Variants in SYT1 observed in about 807,000 individuals in gnomAD.
The protein encoded by SYT1 is synaptotagmin-1.
A neutral mutation model predicts 44.8 loss-of-function variants in SYT1; 8 were observed. That is an observed-to-expected ratio of 0.18 (90% CI 0.10 to 0.32). The LOEUF (loss-of-function observed/expected upper bound fraction) is 0.32, where lower values mean the gene tolerates loss of function less well. Among genes scored for constraint, SYT1 ranks in the 10% least tolerant of loss-of-function variants. SYT1 has a pLI of 1.00. For missense variants in SYT1, 286 were observed against 509.3 expected (o/e 0.56, Z 4.22); for synonymous variants, 154 against 188.8 (o/e 0.82, Z 1.51).
At chr12:79,269,308 C>T (rs1878294549) in intron 4 of SYT1, among the ~76,000 whole-genome samples, 1 of 152,024 alleles carries the variant, frequency 6.6e-6, no homozygotes, top group Admixed American at 6.6e-5. Context: ...CTTCTCTAAC[C>T]AGCTACCTAT....
chr12:79,102,396 C>T (rs1878495352), intron 3 of SYT1, among the ~76,000 whole-genome samples: 1 of 152,088 alleles, frequency 6.6e-6, no homozygotes, highest in Non-Finnish European at 1.5e-5. Flanking sequence ...AAAGCTTCCC[C>T]TAGACTTCTG....
At chr12:78,877,434 G>A (rs1874233623) in intron 1 of SYT1, among the ~76,000 whole-genome samples, 1 of 151,730 alleles carries the variant, frequency 6.6e-6, no homozygotes, top group East Asian at 2.0e-4. Flanking sequence ...TGATATCTGG[G>A]TGGGGACACA....
intron 9 of SYT1, among the ~76,000 whole-genome samples, chr12:79,390,222 C>T (rs139265216): frequency 1.1e-4 from 16 of 152,188 alleles, no homozygotes; most frequent in Non-Finnish European, 1.9e-4. Flanking sequence ...CGTGAACCAC[C>T]GCGCCCGGCC....
chr12:79,042,523 T>C (rs1412701097), intron 2 of SYT1, among the ~76,000 whole-genome samples: 80 of 128,964 alleles, frequency 6.2e-4, no homozygotes, highest in East Asian at 8.7e-4. Flanking sequence ...TCTTTTTTTC[T>C]TTATTAGTCT....
chr12:79,195,875 G>A (rs1918201), intron 3 of SYT1, among the ~76,000 whole-genome samples: 5,894 of 152,086 alleles, frequency 0.039, 247 homozygotes, highest in East Asian at 0.12. Context: ...ACTACATGTC[G>A]CATTTCAACT....
intron 1 of SYT1, among the ~76,000 whole-genome samples, chr12:78,881,157 T>C (rs1371553075): frequency 6.6e-6 from 1 of 151,582 alleles, no homozygotes; most frequent in Non-Finnish European, 1.5e-5. Context: ...ATATACCCAT[T>C]ATAATTGACT....
intron 9 of SYT1, among the ~76,000 whole-genome samples, chr12:79,411,859 A>C (rs1307646368): frequency 6.6e-6 from 1 of 151,960 alleles, no homozygotes; most frequent in East Asian, 1.9e-4. Flanking sequence ...TTTTTTTAGC[A>C]ATGATATATT....
intron 9 of SYT1, among the ~76,000 whole-genome samples, chr12:79,418,752 C>A (rs980116707): frequency 2.0e-5 from 3 of 152,116 alleles, no homozygotes; most frequent in Non-Finnish European, 4.4e-5. Flanking sequence ...ACAAGAAAGG[C>A]CAGCAGTAAC....
At chr12:79,229,580 G>T (rs1019139202) in intron 4 of SYT1, among the ~76,000 whole-genome samples, 3 of 138,794 alleles carry the variant, frequency 2.2e-5, no homozygotes, top group East Asian at 4.0e-4. Flanking sequence ...AAGCAGTAGG[G>T]TTTTTTTTAT....
chr12:79,122,586 C>A (rs1426284636), intron 3 of SYT1, among the ~76,000 whole-genome samples: 1 of 147,158 alleles, frequency 6.8e-6, no homozygotes, highest in African/African-American at 2.5e-5. Flanking sequence ...TTAAAAATTT[C>A]CAATAAATTG....
intron 8 of SYT1, among the ~76,000 whole-genome samples, chr12:79,338,042 G>T (rs1490710495): frequency 6.6e-6 from 1 of 152,026 alleles, no homozygotes; most frequent in Non-Finnish European, 1.5e-5. Flanking sequence ...TTGGTAAAAG[G>T]TTTGTCTTTG....
At chr12:79,218,380 A>T (rs1429512813) in intron 4 of SYT1, among the ~76,000 whole-genome samples, 1 of 152,228 alleles carries the variant, frequency 6.6e-6, no homozygotes, top group African/African-American at 2.4e-5. Context: ...GATTATGCAT[A>T]TGTCAGTTAG....
intron 3 of SYT1, among the ~76,000 whole-genome samples, chr12:79,206,029 T>C (rs1874103336): frequency 1.3e-5 from 2 of 152,192 alleles, no homozygotes; most frequent in African/African-American, 4.8e-5. Context: ...TAAGGAAGCA[T>C]GTTGAAAACA....
At chr12:79,071,381 G>A (rs1316927863) in intron 3 of SYT1, among the ~76,000 whole-genome samples, 3 of 152,096 alleles carry the variant, frequency 2.0e-5, no homozygotes, top group Admixed American at 6.6e-5. Context: ...AAGAGAGTGG[G>A]GGAACCCAAA....
At chr12:78,991,987 A>C (rs1870052749) in intron 2 of SYT1, among the ~76,000 whole-genome samples, 1 of 152,186 alleles carries the variant, frequency 6.6e-6, no homozygotes, top group Admixed American at 6.5e-5. Context: ...GGGCCCTAGC[A>C]AGTTAAGGTC....
chr12:78,939,133 T>A (rs999627455), intron 1 of SYT1, among the ~76,000 whole-genome samples: 4 of 152,014 alleles, frequency 2.6e-5, no homozygotes, highest in Admixed American at 6.6e-5. Context: ...AGGTAGTTTT[T>A]AAAAAAAATA....
At chr12:79,326,119 A>G (rs1277529171) in intron 8 of SYT1, among the ~76,000 whole-genome samples, 1 of 152,170 alleles carries the variant, frequency 6.6e-6, no homozygotes, top group African/African-American at 2.4e-5. Flanking sequence ...ACGACTGTGA[A>G]TTTTAGCATA....
intron 1 of SYT1, among the ~76,000 whole-genome samples, chr12:78,918,045 C>T (rs1354900542): frequency 1.3e-5 from 2 of 152,014 alleles, no homozygotes; most frequent in East Asian, 3.9e-4. Flanking sequence ...GCCTCTGTAA[C>T]TTCTTGAATA....
intron 4 of SYT1, among the ~76,000 whole-genome samples, chr12:79,249,110 T>TTTTTTTG (rs1877030203): frequency 7.7e-6 from 1 of 129,582 alleles, no homozygotes; most frequent in African/African-American, 3.0e-5. Flanking sequence ...TTTTTTTTTT[T>TTTTTTTG]TTTTTGAGAC....
Sources: allele counts gnomAD v4.1 joint callset (sites outside exome capture counted in the v4.1 genomes callset), GRCh38; gene constraint gnomAD v4.1.1; transcripts MANE v1.5; gene names NCBI Gene and HGNC (gene_info 2026-07-23, HGNC 2026-07-21).